Variants in GSTA5 observed in about 807,000 individuals in gnomAD.
GSTA5 encodes the protein glutathione S-transferase alpha 5.
GSTA5 carries 25 observed loss-of-function variants against 21.8 expected under a neutral mutation model. The observed-to-expected ratio is 1.14, with a 90% CI of 0.83 to 1.60. The LOEUF is 1.60. GSTA5 is among the 40% of genes most tolerant of loss of function. GSTA5 has a pLI of 0.00. For missense variants in GSTA5, 330 were observed against 259.2 expected, an observed-to-expected ratio of 1.27 and a Z score of -1.88; for synonymous variants, 102 against 89.5, an observed-to-expected ratio of 1.14 and a Z score of -0.78.
At chr6:52,839,478 T>C (rs1764341893) in intron 1 of GSTA5, among the ~76,000 whole-genome samples, 2 of 152,192 alleles carry the variant, frequency 1.3e-5, no homozygotes, top group South Asian at 4.1e-4. Context: ...TATTTCTTCA[T>C]AGAACTGAGA....
intron 1 of GSTA5, 44 bp downstream of exon 1, chr6:52,840,683 C>T (rs764484996): frequency 4.6e-5 from 71 of 1,544,734 alleles, no homozygotes; most frequent in Middle Eastern, 3.4e-4. Context: ...TATGTGATAA[C>T]GCAATTTTAA....
upstream of GSTA5, among the ~76,000 whole-genome samples, chr6:52,841,275 A>G (rs1259160296): frequency 1.3e-5 from 2 of 152,208 alleles, no homozygotes; most frequent in Admixed American, 6.5e-5. Context: ...GAGAAATACA[A>G]TGTTCACAGT....
chr6:52,831,883 AT>A lies in GSTA5; in HGVS notation c.633del (p.Lys211AsnfsTer3). The A allele has an allele frequency of 6.2e-7, 1 of 1,614,016 alleles. No homozygotes were observed. The highest frequency in any genetic ancestry group is 8.5e-7 in the Non-Finnish European group (1 of 1,179,996). Reference sequence around the variant, plus strand: ...AAAATCTTCCTTGCTTCTTCTAAAGATTTCTCATCCATGGGAGGCTTTCTCT... The same window carrying A: ...AAAATCTTCCTTGCTTCTTCTAAAGATTCTCATCCATGGGAGGCTTTCTCT... On this transcript the variant is annotated frameshift_variant, in exon 6 of 6. Transcript: ENST00000370989. LOFTEE classifies it low-confidence loss of function (END_TRUNC).
upstream of GSTA5, among the ~76,000 whole-genome samples, chr6:52,845,765 T>G (rs1242236497): frequency 6.6e-6 from 1 of 152,232 alleles, no homozygotes; most frequent in Non-Finnish European, 1.5e-5. Context: ...CTGATTATTC[T>G]CAGATTGTTT....
At chr6:52,842,406 CTTTTT>C (rs3063633), upstream of GSTA5, among the ~76,000 whole-genome samples, 4 of 128,804 alleles carry the variant, frequency 3.1e-5, no homozygotes, top group South Asian at 4.8e-4. Flanking sequence ...TAATGTATTT[CTTTTT>C]TTTTTTTTTT....
exon 4 of GSTA5, chr6:52,834,212 C>G (rs1561926019): frequency 1.2e-6 from 2 of 1,614,066 alleles, no homozygotes; most frequent in Middle Eastern, 3.3e-4. Context: ...TCTCTTTCCT[C>G]TGGTTGACAT....
chr6:52,839,824 T>A (rs115626582), intron 1 of GSTA5, among the ~76,000 whole-genome samples: 2 of 152,244 alleles, frequency 1.3e-5, no homozygotes, highest in East Asian at 1.9e-4. Context: ...ACTGGGAGGA[T>A]GACCTGGTAA....
chr6:52,842,292 A>G (rs1262599859), upstream of GSTA5, among the ~76,000 whole-genome samples: 3 of 152,050 alleles, frequency 2.0e-5, no homozygotes, highest in South Asian at 4.2e-4. Context: ...GAACAGTTGC[A>G]TATTCTCTCC....
upstream of GSTA5, among the ~76,000 whole-genome samples, chr6:52,841,581 A>T (rs565676095): frequency 8.5e-4 from 129 of 152,328 alleles, 1 homozygote; most frequent in Admixed American, 1.8e-3. Flanking sequence ...TCTATATTTT[A>T]ACTCTGTGGG....
At chr6:52,839,392 C>G (rs1764340445) in intron 1 of GSTA5, among the ~76,000 whole-genome samples, 1 of 152,268 alleles carries the variant, frequency 6.6e-6, no homozygotes, top group East Asian at 1.9e-4. Flanking sequence ...CTGATGTCTG[C>G]GTGACAGTGA....
chr6:52,833,688 T>C (rs945564272), intron 4 of GSTA5, among the ~76,000 whole-genome samples: 5 of 152,234 alleles, frequency 3.3e-5, no homozygotes, highest in Admixed American at 3.3e-4. Context: ...TAAAAAATAC[T>C]GATCCCTGAA....
intron 3 of GSTA5, among the ~76,000 whole-genome samples, chr6:52,835,333 G>A (rs1342246704): frequency 6.6e-6 from 1 of 152,142 alleles, no homozygotes; most frequent in Admixed American, 6.5e-5. Flanking sequence ...CCATCTTGTA[G>A]CATGCATTGG....
chr6:52,839,187 G>C (rs1248143071), intron 1 of GSTA5, among the ~76,000 whole-genome samples: 1 of 152,180 alleles, frequency 6.6e-6, no homozygotes, highest in Non-Finnish European at 1.5e-5. Context: ...TGGGATGTGA[G>C]GACTGGGTTG....
At chr6:52,832,956 C>T (rs1448259601) in exon 5 of GSTA5, 3 of 1,614,084 alleles carry the variant, frequency 1.9e-6, no homozygotes, top group African/African-American at 2.7e-5. Flanking sequence ...CAGCTTGTTG[C>T]CAACAAGGTA....
At chr6:52,832,809 C>A (rs1420533193) in intron 5 of GSTA5, 50 bp downstream of exon 5, 1 of 1,611,870 alleles carries the variant, frequency 6.2e-7, no homozygotes, top group Non-Finnish European at 8.5e-7. Flanking sequence ...GATATGAGAT[C>A]CCAATATAAG....
At chr6:52,832,592 G>T (rs992296256) in intron 5 of GSTA5, among the ~76,000 whole-genome samples, 9 of 152,158 alleles carry the variant, frequency 5.9e-5, no homozygotes, top group African/African-American at 2.2e-4. Context: ...GAAATAGAGG[G>T]ATGGGAAGAG....
exon 5 of GSTA5, chr6:52,832,918 G>A (rs1458462262): frequency 1.2e-6 from 2 of 1,614,038 alleles, no homozygotes; most frequent in East Asian, 2.2e-5. Context: ...TAGTAGAAAA[G>A]TTCCACCAGG....
chr6:52,837,470 C>T (rs1187839073), intron 2 of GSTA5, 88 bp downstream of exon 2: 7 of 805,220 alleles, frequency 8.7e-6, no homozygotes, highest in East Asian at 2.6e-5. Flanking sequence ...TATCACCCCC[C>T]ACACACATAG....
At chr6:52,836,390 G>C (rs1396430118) in intron 2 of GSTA5, 22 bp from the exon 3 acceptor site, 3 of 1,609,110 alleles carry the variant, frequency 1.9e-6, no homozygotes, top group Admixed American at 3.3e-5. Context: ...GAAAAAAAAA[G>C]GAGTATGAAG....
Sources: gnomAD v4.1 joint callset for allele counts (sites outside exome capture counted in the v4.1 genomes callset) on GRCh38, gnomAD v4.1.1 for gene constraint, MANE v1.5 for transcripts, NCBI Gene and HGNC (gene_info 2026-07-23, HGNC 2026-07-21) for gene names.